The following CDH20 variants were observed in gnomAD, a reference collection of about 807,000 sequenced individuals.
CDH20 encodes the protein cadherin 20, also known as cadherin-20.
CDH20 carries 29 observed loss-of-function variants against 74.2 expected under a neutral mutation model. That is an observed-to-expected ratio of 0.39 (90% confidence interval 0.29 to 0.53). The LOEUF (loss-of-function observed/expected upper bound fraction) is 0.53, where lower values mean the gene tolerates loss of function less well. CDH20 is among the 20% of genes least tolerant of loss of function. The pLI is 0.69. For synonymous variants in CDH20, 469 were observed against 405.4 expected, an observed-to-expected ratio of 1.16 and a Z score of -1.88; for missense variants, 988 against 1,048.3, an observed-to-expected ratio of 0.94 and a Z score of 0.79.
chr18:61,397,907 C>T (rs1912036587), intron 1 of CDH20, among the ~76,000 whole-genome samples: 2 of 152,110 alleles, frequency 1.3e-5, no homozygotes, highest in African/African-American at 2.4e-5. Context: ...TAGTATGATG[C>T]CTTAATCGTA....
chr18:61,549,637 G>C (rs1357786166), intron 10 of CDH20, among the ~76,000 whole-genome samples: 1 of 152,180 alleles, frequency 6.6e-6, no homozygotes, highest in East Asian at 1.9e-4. Flanking sequence ...CAAGTCACCA[G>C]TGATTGTTCT....
At chr18:61,426,459 A>G (rs1243265739) in intron 1 of CDH20, among the ~76,000 whole-genome samples, 1 of 152,160 alleles carries the variant, frequency 6.6e-6, no homozygotes, top group Non-Finnish European at 1.5e-5. Context: ...CGAAATATAG[A>G]ATTTTTAATA....
intron 1 of CDH20, among the ~76,000 whole-genome samples, chr18:61,443,171 C>G (rs1909087972): frequency 1.3e-5 from 2 of 152,118 alleles, no homozygotes; most frequent in South Asian, 4.1e-4. Context: ...AACAATTGTG[C>G]TTGTTCAGTG....
rs1373535409 is a variant in CDH20, at chr18:61,538,629, T to G, written c.1409-395T>G. ...TTTTGTTTTTGTTTTTGTTTTGTTT[T>G]TTTTTTTGAGACGGAGTCTTACTCT... On this transcript the variant is annotated intron_variant, in intron 8 of 11. Transcript: ENST00000262717. Among the ~76,000 whole-genome samples, 7 of 113,512 alleles carry G rather than the reference T, an allele frequency of 6.2e-5. 1 individual carries two copies. Among genetic ancestry groups the G allele is most frequent in the East Asian group, 5.0e-4 (2 of 4,036 alleles). 74.5% of individuals were successfully genotyped at this position (113,512 alleles called of 152,430 possible). A position where few individuals can be genotyped will look rare whatever the true frequency, so the allele number is the denominator to read the frequency against.
intron 1 of CDH20, among the ~76,000 whole-genome samples, chr18:61,438,589 A>C (rs993197867): frequency 1.3e-5 from 2 of 152,144 alleles, no homozygotes; most frequent in Non-Finnish European, 2.9e-5. Flanking sequence ...GCTACTATTA[A>C]AAAGTCAAAA....
At chr18:61,428,936 CTCT>C (rs1284999082) in intron 1 of CDH20, among the ~76,000 whole-genome samples, 1 of 152,262 alleles carries the variant, frequency 6.6e-6, no homozygotes, top group South Asian at 2.1e-4. Context: ...CATATGCCTC[CTCT>C]TCTTTTCTTT....
intron 2 of CDH20, among the ~76,000 whole-genome samples, chr18:61,494,332 G>T (rs979426011): frequency 6.6e-6 from 1 of 152,132 alleles, no homozygotes; most frequent in Non-Finnish European, 1.5e-5. Flanking sequence ...CTCATGCTGG[G>T]TAGTTCTTAG....
At chr18:61,360,855 G>A (rs964867974) in intron 1 of CDH20, among the ~76,000 whole-genome samples, 1 of 152,174 alleles carries the variant, frequency 6.6e-6, no homozygotes, top group African/African-American at 2.4e-5. Context: ...CATCAAAACC[G>A]TAAATGTCTT....
intron 1 of CDH20, among the ~76,000 whole-genome samples, chr18:61,450,643 G>A (rs1447006385): frequency 1.3e-5 from 2 of 151,834 alleles, no homozygotes; most frequent in Non-Finnish European, 2.9e-5. Flanking sequence ...CCTCTTTAAC[G>A]ATTTGTACAT....
chr18:61,368,300 G>C (rs1400254477), intron 1 of CDH20, among the ~76,000 whole-genome samples: 1 of 151,918 alleles, frequency 6.6e-6, no homozygotes, highest in Non-Finnish European at 1.5e-5. Flanking sequence ...TTATTTTACT[G>C]ATCATACTCA....
intron 1 of CDH20, among the ~76,000 whole-genome samples, chr18:61,400,990 C>T (rs1472834698): frequency 3.3e-5 from 5 of 152,166 alleles, no homozygotes; most frequent in Non-Finnish European, 4.4e-5. Context: ...TTGTCCTCCT[C>T]GGGCTGAGAA....
At chr18:61,425,176 T>TGTTGAGG in intron 1 of CDH20, among the ~76,000 whole-genome samples, 1 of 152,122 alleles carries the variant, frequency 6.6e-6, no homozygotes, top group East Asian at 1.9e-4. Flanking sequence ...ACCTGAGGTA[T>TGTTGAGG]GTTGAGGGGA....
At chr18:61,545,777 T>G (rs11875050) in intron 10 of CDH20, among the ~76,000 whole-genome samples, 4 of 152,148 alleles carry the variant, frequency 2.6e-5, no homozygotes, top group Non-Finnish European at 4.4e-5. Context: ...TACAGGACCA[T>G]AAACACAGTT....
chr18:61,540,490 A>G (rs890709999), intron 9 of CDH20, among the ~76,000 whole-genome samples: 6 of 152,202 alleles, frequency 3.9e-5, no homozygotes, highest in East Asian at 1.9e-4. Context: ...CACATCTTAC[A>G]TGGCAGCAGG....
chr18:61,390,930 A>G (rs1911760553), intron 1 of CDH20, among the ~76,000 whole-genome samples: 1 of 152,198 alleles, frequency 6.6e-6, no homozygotes, highest in African/African-American at 2.4e-5. Context: ...GAATATATCA[A>G]CAAAACTACA....
At chr18:61,517,082 T>C (rs60433093) in intron 6 of CDH20, among the ~76,000 whole-genome samples, 10,204 of 152,174 alleles carry the variant, frequency 0.067, 426 homozygotes, top group Middle Eastern at 0.11. Context: ...AAACCTCAAT[T>C]ATACCCCCAC....
intron 1 of CDH20, among the ~76,000 whole-genome samples, chr18:61,337,589 A>C (rs767392788): frequency 1.1e-4 from 16 of 152,236 alleles, no homozygotes; most frequent in Non-Finnish European, 1.8e-4. Context: ...TTTTCATACT[A>C]ATTTAGTGAC....
intron 9 of CDH20, among the ~76,000 whole-genome samples, chr18:61,541,263 A>ATATT (rs1913025450): frequency 6.6e-6 from 1 of 151,432 alleles, no homozygotes; most frequent in African/African-American, 2.4e-5. Flanking sequence ...TCTTTATTTT[A>ATATT]ATAATTTTTG....
At chr18:61,547,560 CTG>C (rs1431070620) in intron 10 of CDH20, among the ~76,000 whole-genome samples, 12 of 152,110 alleles carry the variant, frequency 7.9e-5, no homozygotes, top group Admixed American at 7.9e-4. Context: ...TACAATAATT[CTG>C]TGAGGCTTTA....
Sources: allele counts gnomAD v4.1 joint callset (sites outside exome capture counted in the v4.1 genomes callset), GRCh38; gene constraint gnomAD v4.1.1; transcripts MANE v1.5; gene names NCBI Gene and HGNC (gene_info 2026-07-23, HGNC 2026-07-21).